Variants in ADARB2 observed in about 807,000 individuals in gnomAD.
The protein encoded by ADARB2 is adenosine deaminase RNA specific B2 (inactive).
A neutral mutation model predicts 62.2 loss-of-function variants in ADARB2; 25 were observed. That is an observed-to-expected ratio of 0.40 (90% CI 0.29 to 0.56). The LOEUF is 0.56. Ranked by LOEUF, ADARB2 falls within the 20% of genes least tolerant of loss-of-function variation. ADARB2 has a pLI of 0.43. For synonymous variants in ADARB2, 572 were observed against 500.8 expected, an observed-to-expected ratio of 1.14 and a Z score of -1.90; for missense variants, 1,071 against 1,077.4, an observed-to-expected ratio of 0.99 and a Z score of 0.08.
intron 3 of ADARB2, among the ~76,000 whole-genome samples, chr10:1,336,218 C>T (rs1831974000): frequency 6.6e-6 from 1 of 152,206 alleles, no homozygotes; most frequent in Non-Finnish European, 1.5e-5. Flanking sequence ...AGATGTTACC[C>T]ACTTGGCAAT....
At chr10:1,415,907 A>G (rs551970062) in intron 1 of ADARB2, among the ~76,000 whole-genome samples, 9 of 152,300 alleles carry the variant, frequency 5.9e-5, no homozygotes, top group African/African-American at 2.2e-4. Flanking sequence ...CTCCTAGGGT[A>G]GTCATATTAT....
rs143983248 is a variant in ADARB2 at position 1,293,972 on chromosome 10, G to T, written c.1078-22903C>A. Among the ~76,000 whole-genome samples the T allele has an allele frequency of 4.2e-4, 64 of 152,182 alleles. No homozygotes were observed. The East Asian group carries it at 7.0e-3, about 17-fold the overall frequency. ...AAAAGACAGCATCTGTGGCTTGCAG[G>T]GGGGCGGGGGCATGGGGGAGCTGTT... On this transcript the variant is annotated intron_variant, in intron 3 of 9. Coordinates refer to ENST00000381312, the MANE Select transcript of ADARB2 (RefSeq NM_018702.4).
At chr10:1,661,978 G>C (rs1436982196) in intron 1 of ADARB2, among the ~76,000 whole-genome samples, 2 of 152,162 alleles carry the variant, frequency 1.3e-5, no homozygotes, top group Non-Finnish European at 2.9e-5. Context: ...CAGACGCTCT[G>C]ACAGATGAAC....
intron 8 of ADARB2, among the ~76,000 whole-genome samples, chr10:1,190,275 C>G (rs931022110): frequency 6.6e-6 from 1 of 151,850 alleles, no homozygotes; most frequent in Admixed American, 6.5e-5. Context: ...ACGCTTCTCA[C>G]TCTGCAGGCC....
At chr10:1,329,835 G>A (rs1831911586) in intron 3 of ADARB2, among the ~76,000 whole-genome samples, 1 of 151,670 alleles carries the variant, frequency 6.6e-6, no homozygotes, top group Admixed American at 6.6e-5. Context: ...GGCAGGGGTG[G>A]TTATCCCGAT....
chr10:1,326,804 G>GCCCAGCGCCTCCCCACT (rs1831854295), intron 3 of ADARB2, among the ~76,000 whole-genome samples: 1 of 56,736 alleles, frequency 1.8e-5, no homozygotes, highest in African/African-American at 7.0e-5. Flanking sequence ...GCCTCCCCAC[G>GCCCAGCGCCTCCCCACT]GCCCAGCGCC....
At chr10:1,428,491 G>A (rs1218949971) in intron 1 of ADARB2, among the ~76,000 whole-genome samples, 2 of 151,568 alleles carry the variant, frequency 1.3e-5, no homozygotes, top group East Asian at 3.9e-4. Flanking sequence ...GTTTCACCAT[G>A]TTAGCCAGGA....
intron 6 of ADARB2, among the ~76,000 whole-genome samples, chr10:1,221,235 A>G (rs1356760945): frequency 6.6e-6 from 1 of 152,186 alleles, no homozygotes; most frequent in Admixed American, 6.5e-5. Context: ...TGCTGTGTCT[A>G]CATAGATGCT....
Position 1,448,682 on chromosome 10 carries a change from A to G in ADARB2, c.101-69522T>C, listed in dbSNP as rs149035406. Among the ~76,000 whole-genome samples, 16 of 152,336 alleles carry G rather than the reference A, an allele frequency of 1.1e-4. No homozygotes were observed. In the East Asian group the frequency reaches 2.1e-3, roughly 20 times the overall value. ...TGAACCTAGAAAGACTGGTTGGGCCAGACATGTAAGTTTCCCTCAGTCCAG... is the reference window on the plus strand; with the variant it reads ...TGAACCTAGAAAGACTGGTTGGGCCGGACATGTAAGTTTCCCTCAGTCCAG... On this transcript the variant is annotated intron_variant, in intron 1 of 9. Transcript: ENST00000381312.
chr10:1,590,914 TA>T (rs945556207), intron 1 of ADARB2, among the ~76,000 whole-genome samples: 2 of 152,096 alleles, frequency 1.3e-5, no homozygotes, highest in African/African-American at 4.8e-5. Context: ...GGTTACTCAG[TA>T]AAAGGGGAAC....
intron 1 of ADARB2, among the ~76,000 whole-genome samples, chr10:1,660,816 A>G (rs1207162130): frequency 6.6e-6 from 1 of 152,200 alleles, no homozygotes. Context: ...GTTTAACCAC[A>G]TTCTGATAGA....
At chr10:1,303,817 C>G (rs988514747) in intron 3 of ADARB2, among the ~76,000 whole-genome samples, 28 of 151,768 alleles carry the variant, frequency 1.8e-4, no homozygotes, top group Admixed American at 3.3e-4. Context: ...TACAGACAAG[C>G]AAATGCTGAG....
At chr10:1,647,699 T>C (rs1443449568) in intron 1 of ADARB2, among the ~76,000 whole-genome samples, 2 of 152,052 alleles carry the variant, frequency 1.3e-5, no homozygotes, top group African/African-American at 4.8e-5. Flanking sequence ...TATGTGTGCA[T>C]ATATGTGTGT....
chr10:1,204,869 C>A (rs1288608093), intron 7 of ADARB2, among the ~76,000 whole-genome samples: 2 of 152,234 alleles, frequency 1.3e-5, no homozygotes, highest in African/African-American at 4.8e-5. Context: ...CCTTCGCCAG[C>A]AGCTGTGTTG....
intron 3 of ADARB2, among the ~76,000 whole-genome samples, chr10:1,307,623 C>A (rs1242773962): frequency 7.1e-6 from 1 of 139,874 alleles, no homozygotes. Flanking sequence ...ATAAAGACAC[C>A]TGCACACGTA....
intron 3 of ADARB2, among the ~76,000 whole-genome samples, chr10:1,351,536 G>A (rs1329769493): frequency 6.6e-6 from 1 of 151,978 alleles, no homozygotes; most frequent in Non-Finnish European, 1.5e-5. Flanking sequence ...CTGCTTCCCT[G>A]ACTATTCCCT....
At chr10:1,244,120 G>C (rs7898524) in intron 4 of ADARB2, among the ~76,000 whole-genome samples, 1 of 152,242 alleles carries the variant, frequency 6.6e-6, no homozygotes, top group Non-Finnish European at 1.5e-5. Flanking sequence ...CGAGCAGATG[G>C]GACCAGGATC....
chr10:1,555,708 T>C (rs1017626667), intron 1 of ADARB2, among the ~76,000 whole-genome samples: 2 of 152,088 alleles, frequency 1.3e-5, no homozygotes, highest in African/African-American at 4.8e-5. Context: ...GCCGAGGTGG[T>C]TGGATCACCT....
chr10:1,437,467 C>T (rs1381319213), intron 1 of ADARB2, among the ~76,000 whole-genome samples: 4 of 152,224 alleles, frequency 2.6e-5, no homozygotes, highest in Non-Finnish European at 5.9e-5. Flanking sequence ...AGGACGCTTA[C>T]AGCAGACACG....
Sources: allele counts gnomAD v4.1 joint callset (sites outside exome capture counted in the v4.1 genomes callset), GRCh38; gene constraint gnomAD v4.1.1; transcripts MANE v1.5; gene names NCBI Gene and HGNC (gene_info 2026-07-23, HGNC 2026-07-21).